ATP8A2: variants seen among roughly 807,000 people sequenced by gnomAD.
The protein encoded by ATP8A2 is phospholipid-transporting ATPase IB.
A neutral mutation model predicts 165.6 loss-of-function variants in ATP8A2; 100 were observed. The ratio of observed to expected loss-of-function variants is 0.60; its 90% CI spans 0.51 to 0.71. ATP8A2 has a LOEUF of 0.71. Among genes scored for constraint, ATP8A2 ranks in the 30% least tolerant of loss-of-function variants. The pLI is 0.00. For synonymous variants in ATP8A2, 543 were observed against 548.8 expected (o/e 0.99, Z 0.15); for missense variants, 1,227 against 1,479.5 (o/e 0.83, Z 2.80).
chr13:26,018,267 AAC>A (rs1463982520), intron 36 of ATP8A2, among the ~76,000 whole-genome samples: 1 of 152,210 alleles, frequency 6.6e-6, no homozygotes, highest in Non-Finnish European at 1.5e-5. Flanking sequence ...CAGTTATGGG[AAC>A]ACACAGAGTA....
intron 8 of ATP8A2, among the ~76,000 whole-genome samples, chr13:25,541,359 C>CA (rs1566242803): frequency 6.6e-6 from 1 of 151,848 alleles, no homozygotes; most frequent in African/African-American, 2.4e-5. Flanking sequence ...CCTATCTCTA[C>CA]AAAAAACTTA....
intron 1 of ATP8A2, among the ~76,000 whole-genome samples, chr13:25,427,842 C>T (rs980630174): frequency 2.0e-4 from 30 of 151,832 alleles, no homozygotes; most frequent in South Asian, 4.2e-4. Flanking sequence ...TGCAGTGAAC[C>T]GAGATCGAGC....
chr13:25,414,775 T>C (rs2034084462), intron 1 of ATP8A2, among the ~76,000 whole-genome samples: 1 of 152,214 alleles, frequency 6.6e-6, no homozygotes, highest in Non-Finnish European at 1.5e-5. Flanking sequence ...ATTGCCCAAG[T>C]TGTGGTTAAT....
intron 1 of ATP8A2, among the ~76,000 whole-genome samples, chr13:25,419,510 T>A (rs1030129178): frequency 6.6e-6 from 1 of 150,864 alleles, no homozygotes; most frequent in African/African-American, 2.5e-5. Context: ...TAGCATTTTT[T>A]ATGCTATTTT....
At chr13:25,607,734 TG>T (rs1475037813) in intron 24 of ATP8A2, among the ~76,000 whole-genome samples, 1 of 152,236 alleles carries the variant, frequency 6.6e-6, no homozygotes, top group African/African-American at 2.4e-5. Flanking sequence ...TTGGGAGAAT[TG>T]GATCTATGGC....
intron 24 of ATP8A2, among the ~76,000 whole-genome samples, chr13:25,674,732 C>T (rs1001758003): frequency 2.0e-5 from 3 of 152,132 alleles, no homozygotes; most frequent in Non-Finnish European, 4.4e-5. Context: ...CGTTTCCTCC[C>T]GTGTAGTGAC....
chr13:25,732,531 T>C (rs562962846), intron 25 of ATP8A2, among the ~76,000 whole-genome samples: 210 of 152,358 alleles, frequency 1.4e-3, no homozygotes, highest in Non-Finnish European at 8.8e-4. Context: ...ATGTAATTCA[T>C]GGCCAAGAAT....
In ATP8A2 at chr13:25,774,901, G is replaced by T; in HGVS notation, c.2621G>T (p.Arg874Leu). The T allele has an allele frequency of 6.2e-7, 1 of 1,613,856 alleles. No individual in the cohort carries two copies. The highest frequency in any genetic ancestry group is 8.5e-7 in the Non-Finnish European group (1 of 1,179,820). The change falls in exon 27 of 37, where the codon CGG (arginine) becomes CTG (leucine). Residue 874 changes from arginine to leucine, a missense_variant. This residue lies in a region of ATP8A2 where 592 missense variants were observed against 785.6 expected (regional missense o/e 0.75). Transcript: ENST00000381655. ...LLVHGAWSYN[R>L]VTKCILYCFY... The stretch of plus-strand genomic sequence containing the variant: ...GTTCATGGAGCCTGGAGCTACAACC[G>T]GGTGACCAAGTGCATCTTGTACTGC...
At position 25,865,776 on chromosome 13, in the gene ATP8A2, C is replaced by T. The variant is rs115177389; in HGVS notation, c.3183+3368C>T. 4.8e-3 allele frequency among the ~76,000 whole-genome samples: 737 copies of T among 152,268 alleles called. 6 individuals carry two copies. Among genetic ancestry groups the T allele is most frequent in the African/African-American group, 0.017 (699 of 41,546 alleles). ...CTGCATCCTTCCCCTCCTGAAAATA[C>T]GCCACATTTGTGGGATTTTAAGGGG... On this transcript the variant is annotated intron_variant, in intron 33 of 36. Coordinates refer to ENST00000381655, the MANE Select transcript of ATP8A2 (RefSeq NM_016529.6).
intron 2 of ATP8A2, among the ~76,000 whole-genome samples, chr13:25,480,569 A>G (rs1235210358): frequency 2.7e-4 from 40 of 150,154 alleles, no homozygotes; most frequent in Admixed American, 4.6e-4. Context: ...GCGGCCGGGC[A>G]GAGACGCTCC....
At chr13:25,706,746 T>C (rs544474384) in intron 25 of ATP8A2, among the ~76,000 whole-genome samples, 1 of 152,324 alleles carries the variant, frequency 6.6e-6, no homozygotes, top group African/African-American at 2.4e-5. Context: ...TGACATCCTA[T>C]TCCAGAGAGC....
chr13:25,508,054 TCTTA>T (rs2037106143), intron 2 of ATP8A2, among the ~76,000 whole-genome samples: 2 of 152,128 alleles, frequency 1.3e-5, no homozygotes, highest in African/African-American at 4.8e-5. Context: ...GACAGTGATG[TCTTA>T]CTTGACATAA....
At chr13:25,811,068 A>T (rs374586331) in intron 27 of ATP8A2, among the ~76,000 whole-genome samples, 1 of 50 alleles carries the variant, frequency 0.02, no homozygotes, top group Non-Finnish European at 0.5. Context: ...CCCTTAAAAG[A>T]AAAAAAAAAA....
chr13:25,675,309 A>G lies in ATP8A2; in HGVS notation c.2212-23864A>G, dbSNP rs533910771. On this transcript the variant is annotated intron_variant, in intron 24 of 36. Coordinates refer to ENST00000381655, the MANE Select transcript of ATP8A2 (RefSeq NM_016529.6). ...GGGGGCCACTGCTCAGCAGTTGTCA[A>G]TCTTTAAGTGCTTAAAAATGTCTAG... Among the ~76,000 whole-genome samples the G allele has an allele frequency of 1.5e-4, 23 of 152,352 alleles. 1 individual carries two copies. Among genetic ancestry groups the G allele is most frequent in the Admixed American group, 1.5e-3 (23 of 15,298 alleles).
chr13:25,438,606 A>G (rs937222915), intron 1 of ATP8A2, among the ~76,000 whole-genome samples: 1 of 152,064 alleles, frequency 6.6e-6, no homozygotes, highest in African/African-American at 2.4e-5. Flanking sequence ...GCACCAGTGC[A>G]CTCCAGCCTG....
At chr13:25,464,001 C>T (rs546348311) in intron 1 of ATP8A2, among the ~76,000 whole-genome samples, 29 of 152,280 alleles carry the variant, frequency 1.9e-4, no homozygotes, top group Admixed American at 1.1e-3. Flanking sequence ...TCTCCAACCC[C>T]GGGCAGAAAC....
At chr13:25,940,333 C>G (rs1163405254) in intron 33 of ATP8A2, among the ~76,000 whole-genome samples, 1 of 152,212 alleles carries the variant, frequency 6.6e-6, no homozygotes, top group East Asian at 1.9e-4. Context: ...CTGGCCTTGG[C>G]CTTCAGAGCT....
At chr13:25,746,894 T>C (rs2044044140) in intron 25 of ATP8A2, among the ~76,000 whole-genome samples, 1 of 152,182 alleles carries the variant, frequency 6.6e-6, no homozygotes, top group South Asian at 2.1e-4. Context: ...CTAGATTATC[T>C]CCATCTTTTT....
chr13:25,748,836 T>C (rs547189012), intron 25 of ATP8A2, among the ~76,000 whole-genome samples: 200 of 152,364 alleles, frequency 1.3e-3, no homozygotes, highest in African/African-American at 4.5e-3. Context: ...GTTTGGGTTA[T>C]AGCATTTTCA....
Sources: gnomAD v4.1 joint callset for allele counts (sites outside exome capture counted in the v4.1 genomes callset) on GRCh38, gnomAD v4.1.1 for gene constraint, gnomAD v4.1.1 regional missense constraint, MANE v1.5 for transcripts, NCBI Gene and HGNC (gene_info 2026-07-23, HGNC 2026-07-21) for gene names.